The following HTR3B variants were observed in gnomAD, a reference collection of about 807,000 sequenced individuals.
HTR3B encodes 5-hydroxytryptamine receptor 3B.
Under a neutral mutation model 42.8 loss-of-function variants are expected in HTR3B, and 44 were observed. That is an observed-to-expected ratio of 1.03 (90% CI 0.81 to 1.32). The LOEUF is 1.32. Among genes scored for constraint, HTR3B ranks in the 40% most tolerant of loss-of-function variants. HTR3B has a pLI of 0.00. For synonymous variants in HTR3B, 203 were observed against 209.0 expected (o/e 0.97, Z 0.25); for missense variants, 527 against 536.5 (o/e 0.98, Z 0.17).
intron 6 of HTR3B, among the ~76,000 whole-genome samples, chr11:113,942,365 G>A (rs1950142808): frequency 2.0e-5 from 3 of 152,224 alleles, no homozygotes; most frequent in Non-Finnish European, 4.4e-5. Flanking sequence ...CTGAGAGGGT[G>A]AGGCAGGAGA....
At chr11:113,911,340 C>T (rs960482379) in intron 2 of HTR3B, among the ~76,000 whole-genome samples, 5 of 150,812 alleles carry the variant, frequency 3.3e-5, no homozygotes, top group Admixed American at 6.6e-5. Context: ...AAGTGATTCT[C>T]CTGCCTCAGC....
intron 1 of HTR3B, among the ~76,000 whole-genome samples, chr11:113,905,584 T>G (rs1435864855): frequency 6.6e-6 from 1 of 152,070 alleles, no homozygotes; most frequent in Non-Finnish European, 1.5e-5. Context: ...AAGTTAATAC[T>G]TTTTTTTCTA....
chr11:113,949,017 A>G lies in HTR3B; in HGVS notation c.*2880A>G, dbSNP rs1315650465. On this transcript the variant is annotated 3_prime_UTR_variant, in exon 9 of 9. Coordinates refer to ENST00000260191, the MANE Select transcript of HTR3B (RefSeq NM_006028.5). ...GCACATGTACCCTAAAACTTAAAGT[A>G]TAATTTAAAAAAAAGTAAATAATGC... 1.3e-5 allele frequency among the ~76,000 whole-genome samples: 2 copies of G among 152,266 alleles called. No homozygotes were observed. The highest frequency in any genetic ancestry group is 2.9e-5 in the Non-Finnish European group (2 of 68,046).
rs1350537570 is a variant in HTR3B, at chr11:113,942,447, G to A, written c.697-535G>A. 2.6e-5 allele frequency among the ~76,000 whole-genome samples: 4 copies of A among 152,178 alleles called. No individual in the cohort carries two copies. The South Asian group carries it at 6.2e-4, about 24-fold the overall frequency. ...GCACTCTAGCCTGGGCAACAAGAGC[G>A]AAACTCCGTCACACACACACACAAA... On this transcript the variant is annotated intron_variant, in intron 6 of 8. Transcript: ENST00000260191.
In HTR3B at chr11:113,946,111, C is replaced by CT. The variant is rs1243370337; in HGVS notation, c.1301dup (p.Trp435LeufsTer21). The CT allele has an allele frequency of 6.2e-7, 1 of 1,613,794 alleles. No individual in the cohort carries two copies. Among genetic ancestry groups the CT allele is most frequent in the Non-Finnish European group, 8.5e-7 (1 of 1,179,748 alleles). Reference sequence around the variant, plus strand: ...GATCTACACCATCACTCTGTGCTCCCTCTGGGCACTGTGGGGCGGCGTGTG... The same window carrying CT: ...GATCTACACCATCACTCTGTGCTCCCTTCTGGGCACTGTGGGGCGGCGTGTG... On this transcript the variant is annotated frameshift_variant, in exon 9 of 9. Coordinates refer to ENST00000260191, the MANE Select transcript of HTR3B (RefSeq NM_006028.5). LOFTEE classifies it high-confidence loss of function.
intron 2 of HTR3B, among the ~76,000 whole-genome samples, chr11:113,919,294 G>A (rs575152459): frequency 9.2e-5 from 14 of 152,010 alleles, no homozygotes; most frequent in South Asian, 2.1e-4. Context: ...ACCTGCTCCC[G>A]CCTCTTTTGT....
chr11:113,922,763 G>C (rs939491605), intron 2 of HTR3B, among the ~76,000 whole-genome samples: 2 of 151,826 alleles, frequency 1.3e-5, no homozygotes, highest in Non-Finnish European at 2.9e-5. Flanking sequence ...CACCATGTTA[G>C]CCGGGATGGT....
intron 7 of HTR3B, among the ~76,000 whole-genome samples, chr11:113,943,577 C>T (rs181469710): frequency 5.0e-4 from 76 of 152,072 alleles, no homozygotes; most frequent in Admixed American, 1.4e-3. Flanking sequence ...TCAGGTGGTC[C>T]GCCCACCTCA....
At chr11:113,910,001 A>C (rs1949771560) in intron 2 of HTR3B, among the ~76,000 whole-genome samples, 1 of 151,606 alleles carries the variant, frequency 6.6e-6, no homozygotes, top group African/African-American at 2.4e-5. Flanking sequence ...AAAAAAAAAA[A>C]AAAAAAAAAC....
chr11:113,920,724 G>A (rs1301946854), intron 2 of HTR3B, among the ~76,000 whole-genome samples: 3 of 152,094 alleles, frequency 2.0e-5, no homozygotes, highest in African/African-American at 7.2e-5. Flanking sequence ...TAAGATCTTA[G>A]AAAATATTGT....
chr11:113,900,563 G>A (rs957394506), upstream of HTR3B, among the ~76,000 whole-genome samples: 2 of 151,838 alleles, frequency 1.3e-5, no homozygotes, highest in Admixed American at 6.6e-5. Context: ...ACGCAATCTC[G>A]GCTCACTGCA....
intron 7 of HTR3B, 81 bp from the exon 8 acceptor site, chr11:113,944,492 C>A (rs1249233310): frequency 2.9e-6 from 4 of 1,362,802 alleles, no homozygotes; most frequent in African/African-American, 2.9e-5. Context: ...TAGAGCAAGA[C>A]CCTGTCCCTA....
chr11:113,932,915 A>G, intron 5 of HTR3B, 21 bp from the exon 6 acceptor site: 2 of 1,609,388 alleles, frequency 1.2e-6, no homozygotes, highest in Non-Finnish European at 8.5e-7. Context: ...TGGGAAAGTC[A>G]ATTGTTTGTG....
intron 2 of HTR3B, among the ~76,000 whole-genome samples, chr11:113,928,091 T>C (rs902906472): frequency 2.0e-5 from 3 of 152,244 alleles, no homozygotes; most frequent in African/African-American, 7.2e-5. Context: ...TGTCCATGTG[T>C]TCTCATTGTT....
rs1323904388 is a variant in HTR3B, at chr11:113,932,414, A to T, written c.494A>T (p.Asp165Val). ...TTAGAGACATATGCTTTTCCATTTGATGTCCAGAATTGCAGCCTGACCTTC... is the reference window on the plus strand; with the variant it reads ...TTAGAGACATATGCTTTTCCATTTGTTGTCCAGAATTGCAGCCTGACCTTC... ...CSLETYAFPF[D>V]VQNCSLTFKS... The change falls in exon 5 of 9, where the codon GAT becomes GTT. Residue 165 changes from aspartate to valine, a missense_variant. Transcript: ENST00000260191. The T allele has an allele frequency of 6.2e-7, 1 of 1,614,160 alleles. No homozygotes were observed. The highest frequency in any genetic ancestry group is 1.7e-5 in the Admixed American group (1 of 60,024).
intron 1 of HTR3B, among the ~76,000 whole-genome samples, chr11:113,907,117 C>T (rs1228573054): frequency 6.6e-6 from 1 of 152,158 alleles, no homozygotes; most frequent in Non-Finnish European, 1.5e-5. Context: ...TCTTATCTTC[C>T]TCCTTTTCAA....
intron 2 of HTR3B, among the ~76,000 whole-genome samples, chr11:113,913,073 T>A (rs1453568936): frequency 6.7e-6 from 1 of 149,982 alleles, no homozygotes; most frequent in African/African-American, 2.4e-5. Context: ...AAATGTTTAT[T>A]CCCAGTCTGT....
At chr11:113,926,976 G>A (rs1005464344) in intron 2 of HTR3B, among the ~76,000 whole-genome samples, 3 of 152,118 alleles carry the variant, frequency 2.0e-5, no homozygotes, top group South Asian at 2.1e-4. Flanking sequence ...GTATCTCGTC[G>A]TGGTTTTGAT....
At chr11:113,929,098 T>G (rs565228154) in intron 2 of HTR3B, among the ~76,000 whole-genome samples, 1 of 152,310 alleles carries the variant, frequency 6.6e-6, no homozygotes, top group Non-Finnish European at 1.5e-5. Flanking sequence ...CATACTGTTT[T>G]CCACAGCAGC....
Sources: allele counts gnomAD v4.1 joint callset (sites outside exome capture counted in the v4.1 genomes callset), GRCh38; gene constraint gnomAD v4.1.1; transcripts MANE v1.5; gene names NCBI Gene and HGNC (gene_info 2026-07-23, HGNC 2026-07-21).